EEA1: variants seen among roughly 807,000 people sequenced by gnomAD.
The protein encoded by EEA1 is early endosome antigen 1, 162kD.
EEA1 carries 111 observed loss-of-function variants against 209.2 expected under a neutral mutation model. The observed-to-expected ratio is 0.53, with a 90% CI of 0.45 to 0.62. EEA1 has a LOEUF of 0.62. Among genes scored for constraint, EEA1 ranks in the 20% least tolerant of loss-of-function variants. EEA1 has a pLI of 0.00. For missense variants in EEA1, 1,343 were observed against 1,530.8 expected (o/e 0.88, Z 2.05); for synonymous variants, 536 against 540.6 (o/e 0.99, Z 0.12).
intron 2 of EEA1, among the ~76,000 whole-genome samples, chr12:92,869,387 T>C (rs555937337): frequency 5.3e-5 from 8 of 152,196 alleles, no homozygotes; most frequent in Non-Finnish European, 1.0e-4. Flanking sequence ...CCACTGCAAC[T>C]AAGAACTTAC....
intron 1 of EEA1, among the ~76,000 whole-genome samples, chr12:92,912,777 T>C (rs1880624795): frequency 6.6e-6 from 1 of 152,228 alleles, no homozygotes; most frequent in Admixed American, 6.5e-5. Flanking sequence ...CTCCCACTTA[T>C]AAGTGAGAAC....
intron 18 of EEA1, among the ~76,000 whole-genome samples, chr12:92,807,637 T>G (rs560495952): frequency 2.0e-5 from 3 of 152,186 alleles, no homozygotes; most frequent in East Asian, 3.9e-4. Context: ...TTTATACTAG[T>G]CATAAGTGGA....
chr12:92,905,167 C>G (rs1011365159), intron 1 of EEA1, among the ~76,000 whole-genome samples: 5 of 151,930 alleles, frequency 3.3e-5, no homozygotes, highest in Non-Finnish European at 7.4e-5. Context: ...CTCCATCACT[C>G]AAGGAATTCC....
intron 2 of EEA1, among the ~76,000 whole-genome samples, chr12:92,890,409 C>T (rs112878881): frequency 6.6e-6 from 1 of 152,038 alleles, no homozygotes; most frequent in Non-Finnish European, 1.5e-5. Context: ...AAAATAAGAA[C>T]ATTTATCTAA....
At chr12:92,920,847 C>T (rs1220594765) in intron 1 of EEA1, among the ~76,000 whole-genome samples, 2 of 150,504 alleles carry the variant, frequency 1.3e-5, no homozygotes, top group Non-Finnish European at 3.0e-5. Flanking sequence ...GCAACCTACT[C>T]ATCTGACAAA....
At chr12:92,858,316 A>T in intron 3 of EEA1, 1 of 759,600 alleles carries the variant, frequency 1.3e-6, no homozygotes, top group Admixed American at 1.8e-5. Flanking sequence ...GCTGTTGACT[A>T]ACAGAAAATG....
rs753974110 is a variant in EEA1, at chr12:92,780,391, C to T, written c.3357G>A (p.Leu1119=). 2 of 1,548,942 alleles carry T rather than the reference C, an allele frequency of 1.3e-6. No homozygotes were observed. Among genetic ancestry groups the T allele is most frequent in the Non-Finnish European group, 1.8e-6 (2 of 1,142,078 alleles). ...CTGCCAATTTAGACTTCTCATTTAC[C>T]AGTTCTTTTTCTTTCAGTGACTGTA... ...QKEKSLKEKE[L]VNEKSKLAEI... Residue 1119 remains leucine, a synonymous_variant, in exon 24 of 29, where the codon CTG becomes CTA. Coordinates refer to ENST00000322349, the MANE Select transcript of EEA1 (RefSeq NM_003566.4).
chr12:92,781,802 T>C (rs1873914342), intron 23 of EEA1, 148 bp downstream of exon 23: 11 of 569,074 alleles, frequency 1.9e-5, no homozygotes, highest in South Asian at 5.9e-5. Context: ...AAAATCCCAA[T>C]GATCAAAAGT....
chr12:92,778,126 C>G lies in EEA1; in HGVS notation c.3708G>C (p.Glu1236Asp). 6.2e-7 allele frequency: 1 copy of G among 1,613,206 alleles called. No individual in the cohort carries two copies. Reference sequence around the variant, plus strand: ...CTGTAATCTGCATGGTAAGTTTAGCCTCATTTTCTTCATGCTTCTTCATTC... The same window carrying G: ...CTGTAATCTGCATGGTAAGTTTAGCGTCATTTTCTTCATGCTTCTTCATTC... ...EVGMKKHEEN[E>D]AKLTMQITAL... The change falls in exon 26 of 29, where the codon GAG becomes GAC. Residue 1236 changes from glutamate (E) to aspartate (D), a missense_variant. Physicochemically the swap from Glu to Asp is conservative, Grantham distance 45. Coordinates refer to ENST00000322349, the MANE Select transcript of EEA1 (RefSeq NM_003566.4).
At chr12:92,795,789 A>T (rs764114800) in intron 21 of EEA1, among the ~76,000 whole-genome samples, 2 of 152,194 alleles carry the variant, frequency 1.3e-5, no homozygotes, top group African/African-American at 2.4e-5. Flanking sequence ...TTTCACATTG[A>T]CGGTCATAAT....
At chr12:92,879,201 A>ATTTTTTTTTT (rs34766702) in intron 2 of EEA1, 18 of 234,010 alleles carry the variant, frequency 7.7e-5, no homozygotes, top group East Asian at 1.6e-4. Context: ...TGGATTCTGG[A>ATTTTTTTTTT]TTTTTTTTTT....
intron 1 of EEA1, among the ~76,000 whole-genome samples, chr12:92,915,816 T>C (rs926293667): frequency 6.6e-6 from 1 of 152,334 alleles, no homozygotes; most frequent in East Asian, 1.9e-4. Context: ...TTTGGAGCCA[T>C]AAATTGGCTG....
In EEA1 at chr12:92,854,007, T is replaced by G. The variant is rs1877753593; in HGVS notation, c.367-53A>C. 2.2e-6 allele frequency: 3 copies of G among 1,380,088 alleles called. No individual in the cohort carries two copies. The African/African-American group carries it at 4.5e-5, about 21-fold the overall frequency. The allele number at this position is 1,380,088 out of a possible 1,614,324, so 85.5% of individuals were successfully genotyped here. On this transcript the variant is annotated intron_variant, in intron 5 of 28. Transcript: ENST00000322349. ...ATGAATTAAAAGGAAAAGATAATAC[T>G]GTTAAAATGGTCAATGTTAAAAAAT...
intron 1 of EEA1, among the ~76,000 whole-genome samples, chr12:92,892,721 C>T (rs1244561037): frequency 1.3e-5 from 2 of 152,128 alleles, no homozygotes; most frequent in Non-Finnish European, 2.9e-5. Context: ...ACTACAGGCA[C>T]ATGCCACCAT....
Position 92,782,020 on chromosome 12 carries a change from T to C in EEA1, c.3266A>G (p.Gln1089Arg), listed in dbSNP as rs1397612115. The change falls in exon 23 of 29, where the codon CAG becomes CGG. Residue 1089 changes from glutamine (Q) to arginine (R), a missense_variant. Transcript: ENST00000322349. ...TTGCTGTTCTTTCTTTGCTGAATCC[T>C]GCTCCAATGTAGCCTTGGCAGTCTT... ...ELKTAKATLE[Q>R]DSAKKEQQLQ... 2.5e-6 allele frequency: 4 copies of C among 1,613,394 alleles called. No individual in the cohort carries two copies. The highest frequency in any genetic ancestry group is 3.4e-6 in the Non-Finnish European group (4 of 1,179,530).
chr12:92,834,062 T>C (rs907571909), intron 10 of EEA1, among the ~76,000 whole-genome samples: 11 of 152,024 alleles, frequency 7.2e-5, no homozygotes, highest in African/African-American at 2.7e-4. Context: ...GCAAACAAGT[T>C]TCAGGTGGGG....
chr12:92,857,696 A>C (rs1592740462), intron 3 of EEA1, among the ~76,000 whole-genome samples: 1 of 152,202 alleles, frequency 6.6e-6, no homozygotes, highest in Non-Finnish European at 1.5e-5. Context: ...AATGGAAAAA[A>C]CATTTTCTCA....
chr12:92,852,813 G>A (rs1877688861), intron 7 of EEA1, 99 bp downstream of exon 7: 5 of 757,410 alleles, frequency 6.6e-6, no homozygotes, highest in Non-Finnish European at 1.1e-5. Context: ...TATCACAAAT[G>A]CTTTAACACA....
intron 2 of EEA1, chr12:92,884,540 A>G: frequency 2.0e-6 from 3 of 1,496,930 alleles, no homozygotes; most frequent in Non-Finnish European, 2.8e-6. Context: ...TGGCAATTAC[A>G]ACAATCAGTC....
Sources: gnomAD v4.1 joint callset for allele counts (sites outside exome capture counted in the v4.1 genomes callset) on GRCh38, gnomAD v4.1.1 for gene constraint, MANE v1.5 for transcripts, NCBI Gene and HGNC (gene_info 2026-07-23, HGNC 2026-07-21) for gene names.